Variants in TP53BP2 observed in about 807,000 individuals in gnomAD.
TP53BP2 encodes the protein apoptosis-stimulating of p53 protein 2.
Under a neutral mutation model 126.2 loss-of-function variants are expected in TP53BP2, and 62 were observed. The observed-to-expected ratio is 0.49, with a 90% confidence interval of 0.40 to 0.61. The LOEUF is 0.61. TP53BP2 is among the 20% of genes least tolerant of loss of function. TP53BP2 has a pLI of 0.00. For missense variants in TP53BP2, 1,215 were observed against 1,402.8 expected (o/e 0.87, Z 2.14); for synonymous variants, 485 against 502.9 (o/e 0.96, Z 0.48).
chr1:223,805,320 GTTC>G (rs1157233530), intron 5 of TP53BP2, among the ~76,000 whole-genome samples: 2 of 152,018 alleles, frequency 1.3e-5, no homozygotes, highest in African/African-American at 4.8e-5. Context: ...TTAGAAATTT[GTTC>G]TTCAACAACC....
At chr1:223,833,203 T>C (rs190550418) in intron 1 of TP53BP2, among the ~76,000 whole-genome samples, 73 of 152,344 alleles carry the variant, frequency 4.8e-4, no homozygotes, top group Admixed American at 4.3e-3. Flanking sequence ...ATATTAAACC[T>C]ACTTCTACAC....
chr1:223,841,164 C>T (rs1189259245), intron 1 of TP53BP2, among the ~76,000 whole-genome samples: 1 of 152,090 alleles, frequency 6.6e-6, no homozygotes, highest in Non-Finnish European at 1.5e-5. Context: ...ACTGCTTTAA[C>T]CCCAGGAGGC....
chr1:223,808,718 T>A lies in TP53BP2; in HGVS notation c.372+1713A>T, dbSNP rs374496163. Among the ~76,000 whole-genome samples, 3 of 144,492 alleles carry A rather than the reference T, an allele frequency of 2.1e-5. No homozygotes were observed. The East Asian group carries it at 6.0e-4, about 29-fold the overall frequency. The allele number at this position is 144,492 out of a possible 152,430, so 94.8% of individuals were successfully genotyped here. A position where few individuals can be genotyped will look rare whatever the true frequency, so the allele number is the denominator to read the frequency against. On this transcript the variant is annotated intron_variant, in intron 4 of 17. Coordinates refer to ENST00000343537, the MANE Select transcript of TP53BP2 (RefSeq NM_001031685.3). ...GAGTTCTTAGATACAACACTAAAAG[T>A]ATGCTCCATTAAAAAAAAAAAAAAA...
Position 223,836,660 on chromosome 1 carries a change from A to T in TP53BP2, c.27+8994T>A, listed in dbSNP as rs560396747. Among the ~76,000 whole-genome samples, 28 of 152,312 alleles carry T rather than the reference A, an allele frequency of 1.8e-4. 1 individual carries two copies. The South Asian group carries it at 5.8e-3, about 32-fold the overall frequency. ...AAGACCACCAGGGAAGCAGTGTGTT[A>T]AATGGCCTGATGGGGCAGAGAACAG... On this transcript the variant is annotated intron_variant, in intron 1 of 17. Transcript: ENST00000343537.
intron 1 of TP53BP2, among the ~76,000 whole-genome samples, chr1:223,833,499 A>T (rs1336705195): frequency 2.6e-5 from 4 of 152,244 alleles, no homozygotes; most frequent in Non-Finnish European, 1.5e-5. Context: ...TCATATTCTG[A>T]AATAGTCAAC....
intron 7 of TP53BP2, 31 bp downstream of exon 7, chr1:223,803,240 G>C (rs768148065): frequency 1.3e-6 from 2 of 1,578,506 alleles, no homozygotes; most frequent in Non-Finnish European, 1.7e-6. Context: ...AAAGGAGGTT[G>C]TACAGCTTTT....
At chr1:223,816,483 A>G (rs938112885) in intron 2 of TP53BP2, among the ~76,000 whole-genome samples, 1 of 152,212 alleles carries the variant, frequency 6.6e-6, no homozygotes, top group African/African-American at 2.4e-5. Context: ...GAGGGAAGGG[A>G]AAAAGCCAGA....
intron 1 of TP53BP2, among the ~76,000 whole-genome samples, chr1:223,841,430 A>C (rs894584609): frequency 6.6e-6 from 1 of 152,206 alleles, no homozygotes; most frequent in African/African-American, 2.4e-5. Context: ...TTACTCAAGC[A>C]AAAAGAATTC....
At chr1:223,843,195 T>A (rs965173044) in intron 1 of TP53BP2, among the ~76,000 whole-genome samples, 6 of 148,036 alleles carry the variant, frequency 4.1e-5, no homozygotes, top group African/African-American at 1.0e-4. Flanking sequence ...TTTTTTTTTT[T>A]ATGGAGTCAC....
intron 3 of TP53BP2, 131 bp downstream of exon 3, chr1:223,814,109 C>T (rs1571860915): frequency 1.6e-6 from 1 of 643,798 alleles, no homozygotes; most frequent in Non-Finnish European, 2.7e-6. Flanking sequence ...GACAGCCTAT[C>T]TCCACTGTTT....
chr1:223,800,836 A>G (rs371346438), intron 9 of TP53BP2, 26 bp from the exon 10 acceptor site: 30 of 1,492,948 alleles, frequency 2.0e-5, no homozygotes, highest in Non-Finnish European at 2.6e-5. Context: ...GCAGCTACAA[A>G]TAACTCAGCA....
chr1:223,810,038 C>T (rs1054992371), intron 4 of TP53BP2, among the ~76,000 whole-genome samples: 7 of 152,132 alleles, frequency 4.6e-5, no homozygotes, highest in African/African-American at 1.7e-4. Context: ...GTTGGTCAGA[C>T]TGGTTTTGAA....
chr1:223,814,806 CTAT>C (rs1663032018), intron 2 of TP53BP2, among the ~76,000 whole-genome samples: 2 of 151,926 alleles, frequency 1.3e-5, no homozygotes, highest in Admixed American at 1.3e-4. Flanking sequence ...TCAATACAGG[CTAT>C]TTTTAAATTA....
In TP53BP2 at chr1:223,789,024, G is replaced by A. The variant is rs1662063467; in HGVS notation, c.3147C>T (p.Cys1049=). 2 of 1,613,940 alleles carry A rather than the reference G, an allele frequency of 1.2e-6. No homozygotes were observed. The highest frequency in any genetic ancestry group is 8.5e-7 in the Non-Finnish European group (1 of 1,179,972). ...GTCACATACCATAAAGAAATTGGGA[G>A]CACTGAGTGTAGCCTTCCTCCATTT... ...CEEMEEGYTQ[C]SQFLYGVQEK... The change falls in exon 16 of 18, where the codon TGC becomes TGT. Residue 1049 remains cysteine (C), a synonymous_variant. Transcript: ENST00000343537.
intron 12 of TP53BP2, 45 bp downstream of exon 12, chr1:223,798,170 G>A: frequency 2.0e-6 from 3 of 1,535,572 alleles, no homozygotes; most frequent in Non-Finnish European, 1.8e-6. Context: ...CTTAAGTTCT[G>A]GTATAGAACT....
At chr1:223,823,227 T>G (rs577386064) in intron 1 of TP53BP2, among the ~76,000 whole-genome samples, 87 of 152,260 alleles carry the variant, frequency 5.7e-4, no homozygotes, top group Non-Finnish European at 5.9e-4. Context: ...CTCTGCCCAT[T>G]ACCCCCAAGT....
At chr1:223,811,208 C>T (rs911322785) in intron 3 of TP53BP2, among the ~76,000 whole-genome samples, 11 of 152,012 alleles carry the variant, frequency 7.2e-5, no homozygotes, top group Non-Finnish European at 1.0e-4. Context: ...TAAAAGGAAA[C>T]GTCTTAATTT....
intron 15 of TP53BP2, among the ~76,000 whole-genome samples, chr1:223,790,527 G>A (rs370801346): frequency 2.6e-5 from 4 of 151,676 alleles, no homozygotes; most frequent in African/African-American, 4.8e-5. Context: ...ACTGCACTCC[G>A]GCCTGGGTGA....
intron 6 of TP53BP2, 72 bp downstream of exon 6, chr1:223,804,102 C>T: frequency 7.3e-6 from 11 of 1,502,772 alleles, no homozygotes; most frequent in Non-Finnish European, 9.9e-6. Context: ...CTGGGCAACA[C>T]AGTAAGACCC....
Sources: allele counts gnomAD v4.1 joint callset (sites outside exome capture counted in the v4.1 genomes callset), GRCh38; gene constraint gnomAD v4.1.1; transcripts MANE v1.5; gene names NCBI Gene and HGNC (gene_info 2026-07-23, HGNC 2026-07-21).